DAB1: variants seen among roughly 807,000 people sequenced by gnomAD.
DAB1 encodes the protein disabled homolog 1.
DAB1 carries 15 observed loss-of-function variants against 64.6 expected under a neutral mutation model. The ratio of observed to expected loss-of-function variants is 0.23; its 90% confidence interval spans 0.16 to 0.36. The LOEUF is 0.36. Among genes scored for constraint, DAB1 ranks in the 10% least tolerant of loss-of-function variants. The pLI is 1.00. For synonymous variants in DAB1, 235 were observed against 251.9 expected, an observed-to-expected ratio of 0.93 and a Z score of 0.64; for missense variants, 596 against 706.7, an observed-to-expected ratio of 0.84 and a Z score of 1.78.
intron 14 of DAB1, among the ~76,000 whole-genome samples, chr1:57,002,591 T>A (rs1645910398): frequency 6.6e-6 from 1 of 152,232 alleles, no homozygotes; most frequent in Non-Finnish European, 1.5e-5. Flanking sequence ...AGTTTTCCAA[T>A]TTTGACAATG....
chr1:57,843,597 C>T (rs1002959270), intron 1 of DAB1, among the ~76,000 whole-genome samples: 2 of 152,102 alleles, frequency 1.3e-5, no homozygotes, highest in African/African-American at 4.8e-5. Context: ...TCCAGGAAGC[C>T]TTCCCAGATT....
intron 5 of DAB1, among the ~76,000 whole-genome samples, chr1:58,093,351 G>C (rs1483992299): frequency 1.3e-5 from 2 of 152,154 alleles, no homozygotes; most frequent in Admixed American, 6.5e-5. Context: ...CAAGGCCATG[G>C]ATTAGTATTG....
intron 5 of DAB1, among the ~76,000 whole-genome samples, chr1:57,919,579 G>T (rs534552728): frequency 2.0e-5 from 3 of 152,284 alleles, no homozygotes; most frequent in African/African-American, 7.2e-5. Flanking sequence ...TCCTATCCTT[G>T]CTCTGCCCTA....
intron 4 of DAB1, among the ~76,000 whole-genome samples, chr1:58,263,564 C>G (rs1300279021): frequency 6.6e-6 from 1 of 152,174 alleles, no homozygotes; most frequent in Non-Finnish European, 1.5e-5. Flanking sequence ...TTGCTTGCTA[C>G]CTCATAAGGC....
chr1:58,541,412 T>C (rs1417758248), intron 1 of DAB1: 1 of 146,238 alleles, frequency 6.8e-6, no homozygotes, highest in Non-Finnish European at 1.5e-5. Context: ...TAATCCATAG[T>C]GACAGAGAGA....
At chr1:57,550,684 T>C (rs1372989620) in intron 7 of DAB1, among the ~76,000 whole-genome samples, 1 of 152,288 alleles carries the variant, frequency 6.6e-6, no homozygotes, top group African/African-American at 2.4e-5. Flanking sequence ...TTCTCTTTAC[T>C]TCCTCTGCTC....
chr1:57,002,938 GGA>G (rs1424736306), intron 14 of DAB1, among the ~76,000 whole-genome samples: 8 of 152,332 alleles, frequency 5.3e-5, no homozygotes, highest in African/African-American at 1.9e-4. Context: ...CTGAAACATA[GGA>G]GATACTCCAA....
At chr1:57,989,828 A>T (rs1456531355) in intron 5 of DAB1, among the ~76,000 whole-genome samples, 1 of 152,178 alleles carries the variant, frequency 6.6e-6, no homozygotes, top group African/African-American at 2.4e-5. Flanking sequence ...CCACCTCAAG[A>T]ACATGACCCC....
intron 1 of DAB1, among the ~76,000 whole-genome samples, chr1:57,869,754 C>T (rs1643907129): frequency 1.3e-5 from 2 of 152,152 alleles, no homozygotes; most frequent in Admixed American, 1.3e-4. Context: ...TAATTTATTA[C>T]TTCTCTCAGA....
At position 58,377,644 on chromosome 1, in the gene DAB1, G is replaced by C. The variant is rs1368456330; in HGVS notation, n.258-34241C>G. On this transcript the variant is annotated intron_variant and non_coding_transcript_variant, in intron 3 of 20. Coordinates refer to the DAB1 transcript ENST00000485760. ...CCTTCATTTCAACTTTGGTGAATCTGACAATTATGTGTCTTGGAGTTGCTC... is the reference window on the plus strand; with the variant it reads ...CCTTCATTTCAACTTTGGTGAATCTCACAATTATGTGTCTTGGAGTTGCTC... Among the ~76,000 whole-genome samples the C allele has an allele frequency of 1.4e-5, 2 of 139,236 alleles. 1 individual carries two copies. Among genetic ancestry groups the C allele is most frequent in the East Asian group, 4.0e-4 (2 of 4,972 alleles). The allele number at this position is 139,236 out of a possible 152,430, so 91.3% of individuals were successfully genotyped here.
chr1:57,525,970 C>G (rs1644588468), intron 7 of DAB1, among the ~76,000 whole-genome samples: 2 of 142,562 alleles, frequency 1.4e-5, no homozygotes, highest in African/African-American at 5.3e-5. Context: ...CGGAGTTTTG[C>G]TCTGTCACCC....
intron 3 of DAB1, among the ~76,000 whole-genome samples, chr1:58,392,279 A>C (rs1644482002): frequency 6.6e-6 from 1 of 152,222 alleles, no homozygotes; most frequent in South Asian, 2.1e-4. Flanking sequence ...CACCACGTTT[A>C]ACCACAGTGA....
intron 5 of DAB1, among the ~76,000 whole-genome samples, chr1:57,902,925 TA>T (rs756072704): frequency 4.6e-5 from 7 of 152,154 alleles, no homozygotes; most frequent in Non-Finnish European, 1.0e-4. Context: ...GGGTCATTTA[TA>T]AAGGAAAGAG....
intron 4 of DAB1, among the ~76,000 whole-genome samples, chr1:58,298,568 C>G (rs993953370): frequency 6.6e-6 from 1 of 152,226 alleles, no homozygotes; most frequent in African/African-American, 2.4e-5. Context: ...TGTCATCACT[C>G]CCAGACTGGA....
At chr1:57,191,123 T>C (rs1375694486) in intron 2 of DAB1, among the ~76,000 whole-genome samples, 1 of 152,210 alleles carries the variant, frequency 6.6e-6, no homozygotes, top group Non-Finnish European at 1.5e-5. Context: ...TAAAAAGTAC[T>C]GTGAATCATG....
intron 6 of DAB1, among the ~76,000 whole-genome samples, chr1:57,789,050 G>A (rs1209677945): frequency 6.6e-6 from 1 of 152,068 alleles, no homozygotes; most frequent in Non-Finnish European, 1.5e-5. Flanking sequence ...TTGGAGAAGA[G>A]GGCTGAGGAG....
chr1:57,415,324 A>C (rs1196224645), intron 1 of DAB1, among the ~76,000 whole-genome samples: 1 of 151,822 alleles, frequency 6.6e-6, no homozygotes, highest in Non-Finnish European at 1.5e-5. Context: ...CTAAATTTGA[A>C]AGGCAAACAA....
At chr1:57,627,556 A>G (rs188451843) in intron 7 of DAB1, among the ~76,000 whole-genome samples, 151 of 152,336 alleles carry the variant, frequency 9.9e-4, no homozygotes, top group African/African-American at 3.6e-3. Flanking sequence ...TTAGTACTAG[A>G]CAACTTGTAA....
chr1:57,076,910 TG>T (rs1652045341), intron 4 of DAB1, among the ~76,000 whole-genome samples: 1 of 152,222 alleles, frequency 6.6e-6, no homozygotes, highest in African/African-American at 2.4e-5. Flanking sequence ...ATTATGTTGC[TG>T]GTCTCCTGCT....
Sources: allele counts gnomAD v4.1 joint callset (sites outside exome capture counted in the v4.1 genomes callset), GRCh38; gene constraint gnomAD v4.1.1; transcripts MANE v1.5; gene names NCBI Gene and HGNC (gene_info 2026-07-23, HGNC 2026-07-21).